KLHL4: variants seen among roughly 807,000 people sequenced by gnomAD.
KLHL4 encodes kelch-like protein 4.
In KLHL4, 17 loss-of-function variants were observed where a neutral mutation model predicts 45.8. That is an observed-to-expected ratio of 0.37 (90% CI 0.25 to 0.56). The LOEUF (loss-of-function observed/expected upper bound fraction) is 0.56. Among genes scored for constraint, KLHL4 ranks in the 20% least tolerant of loss-of-function variants. The probability of loss-of-function intolerance (pLI) is 0.79; values close to 1 mark genes in which losing one functional copy is unlikely to be tolerated. For missense variants in KLHL4, 544 were observed against 544.9 expected (o/e 1.00, Z 0.02); for synonymous variants, 224 against 189.9 (o/e 1.18, Z -1.47).
intron 5 of KLHL4, among the ~76,000 whole-genome samples, chrX:87,624,008 G>T (rs1246097528): frequency 1.8e-5 from 2 of 112,258 alleles, no homozygotes; most frequent in Non-Finnish European, 3.8e-5. Flanking sequence ...ATGGAAACAG[G>T]CTGAAGAATC....
chrX:87,599,012 A>G (rs1192607650), intron 1 of KLHL4, among the ~76,000 whole-genome samples: 1 of 110,929 alleles, frequency 9.0e-6, no homozygotes, highest in Admixed American at 9.6e-5. Flanking sequence ...AAATTCAAAC[A>G]TATTTAGTCA....
chrX:87,578,527 G>A (rs1268635111), intron 1 of KLHL4, among the ~76,000 whole-genome samples: 1 of 112,011 alleles, frequency 8.9e-6, no homozygotes, highest in East Asian at 2.8e-4. Context: ...TTCTTTATGA[G>A]AAGACCATAA....
At chrX:87,652,658 C>T (rs1475596676) in intron 9 of KLHL4, among the ~76,000 whole-genome samples, 3 of 111,945 alleles carry the variant, frequency 2.7e-5, no homozygotes, top group Non-Finnish European at 5.6e-5. Flanking sequence ...ACATTTCTAT[C>T]AGCATTTGGG....
intron 1 of KLHL4, among the ~76,000 whole-genome samples, chrX:87,532,022 C>G (rs1027499630): frequency 9.2e-6 from 1 of 108,980 alleles, no homozygotes; most frequent in Non-Finnish European, 1.9e-5. Flanking sequence ...CCCGCATCGC[C>G]AAGTCAATCC....
rs1404879271 is a variant in KLHL4 at position 87,667,708 on chromosome X, A to G, written c.*1174A>G. On this transcript the variant is annotated 3_prime_UTR_variant, in exon 11 of 11. Coordinates refer to ENST00000373119, the MANE Select transcript of KLHL4 (RefSeq NM_019117.5). ...ATTATACAACTAAGATGAAATATTG[A>G]AAAACCCTTTGTGAAAGTAACTTTT... 1 of 669,078 alleles carries G rather than the reference A, an allele frequency of 1.5e-6. No individual in the cohort carries two copies. Among genetic ancestry groups the G allele is most frequent in the Admixed American group, 8.9e-5 (1 of 11,256 alleles). 55.1% of individuals were successfully genotyped at this position (669,078 alleles called of 1,213,427 possible).
intron 9 of KLHL4, among the ~76,000 whole-genome samples, chrX:87,642,991 G>A (rs1440940635): frequency 9.0e-6 from 1 of 111,520 alleles, no homozygotes; most frequent in African/African-American, 3.3e-5. Context: ...AATAATTGAG[G>A]AAAGCTTCCC....
At chrX:87,609,090 T>C (rs756081533) in intron 1 of KLHL4, among the ~76,000 whole-genome samples, 33 of 111,672 alleles carry the variant, frequency 3.0e-4, no homozygotes, top group African/African-American at 1.1e-3. Flanking sequence ...GACATGAACT[T>C]ATCCTTTTTT....
chrX:87,550,401 A>T (rs1382408778), intron 1 of KLHL4, among the ~76,000 whole-genome samples: 1 of 111,462 alleles, frequency 9.0e-6, no homozygotes, highest in East Asian at 2.8e-4. Flanking sequence ...GACCAGATGG[A>T]TTCACAGCAG....
intron 9 of KLHL4, among the ~76,000 whole-genome samples, chrX:87,636,300 C>T (rs1281635256): frequency 8.9e-6 from 1 of 111,865 alleles, no homozygotes; most frequent in Non-Finnish European, 1.9e-5. Context: ...ATCACTCAAC[C>T]AATTCAGGAG....
chrX:87,524,957 T>C (rs1931079462), intron 1 of KLHL4, among the ~76,000 whole-genome samples: 1 of 111,801 alleles, frequency 8.9e-6, no homozygotes, highest in South Asian at 3.7e-4. Flanking sequence ...AACTGGGTAT[T>C]GGTTGTTGTT....
intron 1 of KLHL4, among the ~76,000 whole-genome samples, chrX:87,595,512 G>T (rs1480808745): frequency 2.7e-5 from 3 of 111,349 alleles, no homozygotes; most frequent in Non-Finnish European, 5.7e-5. Context: ...TTCTTAAGTT[G>T]TCTCATTCAT....
intron 1 of KLHL4, among the ~76,000 whole-genome samples, chrX:87,604,111 A>G (rs1922110801): frequency 9.0e-6 from 1 of 110,916 alleles, no homozygotes; most frequent in Non-Finnish European, 1.9e-5. Flanking sequence ...GTGTATATAT[A>G]CTACATTTTT....
intron 1 of KLHL4, among the ~76,000 whole-genome samples, chrX:87,611,659 CATACT>C (rs201194879): frequency 0.04 from 4,031 of 101,519 alleles, 92 homozygotes; most frequent in East Asian, 0.14. Flanking sequence ...GGTTTAAGTA[CATACT>C]ATACTATACT....
chrX:87,614,523 G>A lies in KLHL4; in HGVS notation c.680G>A (p.Gly227Glu). The change falls in exon 3 of 11, where the codon GGA becomes GAA. Residue 227 changes from glycine (G) to glutamate (E), a missense_variant. Transcript: ENST00000373119. ...EAKQEEVRMEGVDPNALNSLV... is the reference protein window; with the variant it reads ...EAKQEEVRMEEVDPNALNSLV... ...AAACAAGAAGAGGTCAGGATGGAAGGAGTAGATCCAAATGCACTAAATTCC... is the reference window on the plus strand; with the variant it reads ...AAACAAGAAGAGGTCAGGATGGAAGAAGTAGATCCAAATGCACTAAATTCC... 1 of 1,209,028 alleles carries A rather than the reference G, an allele frequency of 8.3e-7. No homozygotes were observed. Among genetic ancestry groups the A allele is most frequent in the East Asian group, 3.0e-5 (1 of 33,747 alleles).
chrX:87,534,975 A>G (rs1007316343), intron 1 of KLHL4, among the ~76,000 whole-genome samples: 19 of 112,082 alleles, frequency 1.7e-4, no homozygotes, highest in Middle Eastern at 9.2e-3. Context: ...GGCACTTTGT[A>G]TACTTCTTGC....
intron 1 of KLHL4, among the ~76,000 whole-genome samples, chrX:87,613,332 G>A (rs991064664): frequency 7.2e-5 from 8 of 111,419 alleles, no homozygotes; most frequent in African/African-American, 2.6e-4. Context: ...TATCACGTTT[G>A]ACTAAATATT....
intron 1 of KLHL4, among the ~76,000 whole-genome samples, chrX:87,550,035 G>A (rs1365228976): frequency 9.0e-6 from 1 of 111,164 alleles, no homozygotes; most frequent in Non-Finnish European, 1.9e-5. Flanking sequence ...GAAAAATAGA[G>A]AAGATCCAAA....
intron 9 of KLHL4, among the ~76,000 whole-genome samples, chrX:87,652,571 A>C (rs1414884178): frequency 1.8e-5 from 2 of 112,051 alleles, no homozygotes; most frequent in Non-Finnish European, 3.8e-5. Context: ...AAAACAAAAC[A>C]CGAGTCACCT....
chrX:87,527,919 TAA>T (rs1931146165), intron 1 of KLHL4, among the ~76,000 whole-genome samples: 1 of 110,138 alleles, frequency 9.1e-6, no homozygotes, highest in Non-Finnish European at 1.9e-5. Context: ...AGAAACATGA[TAA>T]GTTTCCAGTA....
Sources: gnomAD v4.1 joint callset for allele counts (sites outside exome capture counted in the v4.1 genomes callset) on GRCh38, gnomAD v4.1.1 for gene constraint, MANE v1.5 for transcripts, NCBI Gene and HGNC (gene_info 2026-07-23, HGNC 2026-07-21) for gene names.